The following ITFG1 variants were observed in gnomAD, a reference collection of about 807,000 sequenced individuals.
ITFG1 encodes T-cell immunomodulatory protein.
A neutral mutation model predicts 81.8 loss-of-function variants in ITFG1; 34 were observed. That is an observed-to-expected ratio of 0.42 (90% CI 0.32 to 0.55). ITFG1 has a LOEUF of 0.55. Among genes scored for constraint, ITFG1 ranks in the 20% least tolerant of loss-of-function variants. ITFG1 has a pLI of 0.17. For synonymous variants in ITFG1, 285 were observed against 270.6 expected (o/e 1.05, Z -0.52); for missense variants, 672 against 755.4 (o/e 0.89, Z 1.29).
intron 2 of ITFG1, among the ~76,000 whole-genome samples, chr16:47,458,814 G>C (rs939600198): frequency 3.9e-5 from 6 of 151,952 alleles, no homozygotes; most frequent in Non-Finnish European, 5.9e-5. Context: ...ATGAGGCACA[G>C]AACGAGACAC....
At chr16:47,309,468 G>T (rs1188701324) in intron 10 of ITFG1, among the ~76,000 whole-genome samples, 1 of 152,016 alleles carries the variant, frequency 6.6e-6, no homozygotes, top group East Asian at 1.9e-4. Flanking sequence ...ATCTAACAAG[G>T]TCTAGAACAT....
chr16:47,384,512 A>G (rs1968435461), intron 6 of ITFG1, among the ~76,000 whole-genome samples: 1 of 152,150 alleles, frequency 6.6e-6, no homozygotes, highest in African/African-American at 2.4e-5. Flanking sequence ...CCTGTCTCTA[A>G]GGTTTCCGCA....
rs529181971 is a variant in ITFG1 at position 47,235,314 on chromosome 16, G to A, written c.1374+2651C>T. Among the ~76,000 whole-genome samples the A allele has an allele frequency of 2.2e-4, 33 of 152,210 alleles. No homozygotes were observed. The South Asian group carries it at 6.8e-3, about 32-fold the overall frequency. On this transcript the variant is annotated intron_variant, in intron 13 of 17. Coordinates refer to ENST00000320640, the MANE Select transcript of ITFG1 (RefSeq NM_030790.5). Reference sequence around the variant, plus strand: ...TGTGTGGTAACTAAATAAGGAGGTGGGCAAAGACAATACTGGGCTGATACA... The same window carrying A: ...TGTGTGGTAACTAAATAAGGAGGTGAGCAAAGACAATACTGGGCTGATACA...
intron 6 of ITFG1, among the ~76,000 whole-genome samples, chr16:47,389,894 T>C (rs1242334704): frequency 2.0e-5 from 3 of 152,168 alleles, no homozygotes; most frequent in African/African-American, 4.8e-5. Context: ...GACTGAGGCA[T>C]AGTAAACAGA....
Position 47,359,960 on chromosome 16 carries a change from T to G in ITFG1, c.802+5828A>C, listed in dbSNP as rs1169568360. Among the ~76,000 whole-genome samples the G allele has an allele frequency of 2.6e-5, 4 of 152,246 alleles. No homozygotes were observed. In the South Asian group the frequency reaches 6.2e-4, roughly 24 times the overall value. On this transcript the variant is annotated intron_variant, in intron 8 of 17. Transcript: ENST00000320640. ...AATTTAAACTTCATGAGAACAGGGT[T>G]TTTGTATGCTTGAGGCTTGGCTATA...
At chr16:47,459,406 G>C (rs997381557) in intron 1 of ITFG1, among the ~76,000 whole-genome samples, 5 of 152,206 alleles carry the variant, frequency 3.3e-5, no homozygotes, top group Non-Finnish European at 5.9e-5. Flanking sequence ...ATGGGAAAAA[G>C]CAGCTGATCA....
Position 47,460,882 on chromosome 16 carries a change from T to G in ITFG1, c.164A>C (p.Asp55Ala). 1 of 1,613,288 alleles carries G rather than the reference T, an allele frequency of 6.2e-7. No individual in the cohort carries two copies. The highest frequency in any genetic ancestry group is 8.5e-7 in the Non-Finnish European group (1 of 1,179,928). Reference protein sequence around the residue: ...EAWGTLAAFGDLNSDKQTDLF... With the variant: ...EAWGTLAAFGALNSDKQTDLF... ...ATCCGTCTGCTTGTCGGAGTTGAGG[T>G]CCCCGAAAGCCGCAAGGGTGCCCCA... is the stretch of plus-strand genomic sequence containing the variant. The change falls in exon 1 of 18, where the codon GAC (aspartate) becomes GCC (alanine). Residue 55 changes from aspartate (D) to alanine (A), a missense_variant. Asp to Ala is a moderately radical substitution (Grantham distance 126). Coordinates refer to ENST00000320640, the MANE Select transcript of ITFG1 (RefSeq NM_030790.5).
intron 10 of ITFG1, among the ~76,000 whole-genome samples, chr16:47,284,545 A>G (rs1966862922): frequency 6.6e-6 from 1 of 152,192 alleles, no homozygotes; most frequent in African/African-American, 2.4e-5. Context: ...GTTTTAATAC[A>G]TCTATAAACA....
At chr16:47,159,150 AT>A (rs1313073718) in intron 16 of ITFG1, among the ~76,000 whole-genome samples, 160 bp from the exon 17 acceptor site, 1 of 152,174 alleles carries the variant, frequency 6.6e-6, no homozygotes, top group African/African-American at 2.4e-5. Context: ...AACAAAAACA[AT>A]TAAAAATCAG....
intron 6 of ITFG1, among the ~76,000 whole-genome samples, chr16:47,383,243 C>G (rs1248130339): frequency 6.6e-6 from 1 of 152,202 alleles, no homozygotes; most frequent in African/African-American, 2.4e-5. Flanking sequence ...AGAACAGGAC[C>G]CTGGCATCAA....
intron 12 of ITFG1, among the ~76,000 whole-genome samples, chr16:47,250,857 CAG>C (rs1966065635): frequency 6.6e-6 from 1 of 152,172 alleles, no homozygotes. Context: ...CCTTTCAGCT[CAG>C]AGCTGCGGCA....
chr16:47,461,144 A>G, upstream of ITFG1: 1 of 1,218,542 alleles, frequency 8.2e-7, no homozygotes, highest in Non-Finnish European at 1.1e-6. Context: ...CAGCCCCGGG[A>G]CGCGTAAGAG....
chr16:47,180,839 C>G (rs1409917279), intron 14 of ITFG1, among the ~76,000 whole-genome samples: 1 of 150,982 alleles, frequency 6.6e-6, no homozygotes. Flanking sequence ...TCTGCCTGGC[C>G]GCCCATCGTC....
At chr16:47,284,134 C>T (rs1966861467) in intron 10 of ITFG1, among the ~76,000 whole-genome samples, 1 of 152,068 alleles carries the variant, frequency 6.6e-6, no homozygotes, top group Admixed American at 6.6e-5. Flanking sequence ...TTTGGGGTAA[C>T]AGAAATGTTT....
chr16:47,283,821 CCTTTCTACAATATTGTGT>C (rs1966860080), intron 10 of ITFG1, among the ~76,000 whole-genome samples: 4 of 152,182 alleles, frequency 2.6e-5, no homozygotes, highest in African/African-American at 7.2e-5. Context: ...ACTCTTGGTA[CCTTTCTACAATATTGTGT>C]CAGTCAACAT....
At chr16:47,445,358 C>T (rs1969311832) in intron 5 of ITFG1, among the ~76,000 whole-genome samples, 1 of 151,348 alleles carries the variant, frequency 6.6e-6, no homozygotes, top group Non-Finnish European at 1.5e-5. Flanking sequence ...AGGAAGACAG[C>T]ATTCTCATGT....
chr16:47,419,132 G>A (rs1459619007), intron 6 of ITFG1, among the ~76,000 whole-genome samples: 1 of 152,136 alleles, frequency 6.6e-6, no homozygotes, highest in Non-Finnish European at 1.5e-5. Flanking sequence ...ATGTGTTCTT[G>A]GATTTGGCTT....
At chr16:47,216,636 T>C (rs1965628027) in intron 14 of ITFG1, among the ~76,000 whole-genome samples, 1 of 152,040 alleles carries the variant, frequency 6.6e-6, no homozygotes, top group African/African-American at 2.4e-5. Context: ...TTCTATGAAG[T>C]GAGAATTATT....
chr16:47,409,495 A>T (rs1968781747), intron 6 of ITFG1, among the ~76,000 whole-genome samples: 1 of 131,644 alleles, frequency 7.6e-6, no homozygotes, highest in African/African-American at 2.9e-5. Flanking sequence ...GGCTCACTGC[A>T]ACCTCCACCT....
Sources: allele counts gnomAD v4.1 joint callset (sites outside exome capture counted in the v4.1 genomes callset), GRCh38; gene constraint gnomAD v4.1.1; transcripts MANE v1.5; gene names NCBI Gene and HGNC (gene_info 2026-07-23, HGNC 2026-07-21).